The following TECRL variants were observed in gnomAD, a reference collection of about 807,000 sequenced individuals.
TECRL encodes trans-2,3-enoyl-CoA reductase like.
TECRL carries 63 observed loss-of-function variants against 52.8 expected under a neutral mutation model. That is an observed-to-expected ratio of 1.19 (90% CI 0.97 to 1.47). The LOEUF is 1.47. TECRL is among the 40% of genes most tolerant of loss of function. TECRL has a pLI of 0.00. For synonymous variants in TECRL, 164 were observed against 141.9 expected (o/e 1.16, Z -1.10); for missense variants, 482 against 429.6 (o/e 1.12, Z -1.08).
chr4:64,345,674 C>A (rs1222720607), intron 2 of TECRL, among the ~76,000 whole-genome samples: 1 of 151,234 alleles, frequency 6.6e-6, no homozygotes, highest in Non-Finnish European at 1.5e-5. Flanking sequence ...ATGTTGTGCA[C>A]ATGTACCCTA....
At chr4:64,298,509 T>G (rs1577825232) in intron 8 of TECRL, among the ~76,000 whole-genome samples, 1 of 151,260 alleles carries the variant, frequency 6.6e-6, no homozygotes, top group Non-Finnish European at 1.5e-5. Context: ...ATAACATATT[T>G]ATAGTAACAT....
chr4:64,363,092 A>G (rs1231052660), intron 2 of TECRL, among the ~76,000 whole-genome samples: 2 of 152,170 alleles, frequency 1.3e-5, no homozygotes, highest in African/African-American at 4.8e-5. Context: ...AAAAGTACAA[A>G]GGAGGACATT....
chr4:64,347,474 G>C (rs7672540), intron 2 of TECRL, among the ~76,000 whole-genome samples: 1 of 152,106 alleles, frequency 6.6e-6, no homozygotes, highest in African/African-American at 2.4e-5. Context: ...TCACACAACT[G>C]TAAAGATACT....
chr4:64,409,113 C>T lies in TECRL; in HGVS notation c.234+5G>A, dbSNP rs934142242. ...ACAAACAAATAAATAAATAAATAAA[C>T]TCACCTTATCCAGAATACATATCTG... On this transcript the variant is annotated splice_donor_5th_base_variant and intron_variant, in intron 1 of 11. Transcript: ENST00000381210. 11 of 1,587,462 alleles carry T rather than the reference C, an allele frequency of 6.9e-6. No individual in the cohort carries two copies. Among genetic ancestry groups the T allele is most frequent in the African/African-American group, 1.4e-5 (1 of 73,662 alleles).
At chr4:64,306,618 T>C (rs777943551) in intron 6 of TECRL, among the ~76,000 whole-genome samples, 39 of 152,312 alleles carry the variant, frequency 2.6e-4, no homozygotes, top group Non-Finnish European at 4.4e-4. Context: ...ATGTTGCTTT[T>C]ACCTGTTCTT....
chr4:64,391,408 C>T (rs1723537842), intron 1 of TECRL, among the ~76,000 whole-genome samples: 1 of 151,790 alleles, frequency 6.6e-6, no homozygotes, highest in African/African-American at 2.4e-5. Context: ...TTTAACCAGT[C>T]TGCATGATTG....
intron 10 of TECRL, 59 bp from the exon 11 acceptor site, chr4:64,281,145 T>G: frequency 7.1e-7 from 1 of 1,410,442 alleles, no homozygotes; most frequent in Non-Finnish European, 9.9e-7. Context: ...ATTTGTTCAT[T>G]TGTGGCTTTA....
intron 1 of TECRL, among the ~76,000 whole-genome samples, chr4:64,390,672 A>G (rs1483285): frequency 0.89 from 135,735 of 151,696 alleles, 61,427 homozygotes; most frequent in East Asian, 1. Flanking sequence ...CTTATTAATT[A>G]TATTGTCCAA....
chr4:64,324,097 C>G (rs1275942180), intron 3 of TECRL, among the ~76,000 whole-genome samples: 1 of 151,940 alleles, frequency 6.6e-6, no homozygotes, highest in Non-Finnish European at 1.5e-5. Flanking sequence ...AAAGATATAA[C>G]AAAGGTTACT....
chr4:64,294,506 C>T (rs547490331), intron 8 of TECRL, among the ~76,000 whole-genome samples: 7 of 152,026 alleles, frequency 4.6e-5, no homozygotes, highest in African/African-American at 1.2e-4. Flanking sequence ...CAAAATATGC[C>T]GTAATAGGTA....
chr4:64,365,336 C>T (rs941284952), intron 2 of TECRL, among the ~76,000 whole-genome samples: 2 of 152,028 alleles, frequency 1.3e-5, no homozygotes, highest in African/African-American at 2.4e-5. Context: ...ACAAAGAGTC[C>T]GACTTTTACC....
chr4:64,366,162 A>G (rs976824552), intron 2 of TECRL, among the ~76,000 whole-genome samples: 1 of 152,122 alleles, frequency 6.6e-6, no homozygotes, highest in African/African-American at 2.4e-5. Flanking sequence ...TAAACGGCAC[A>G]TGGATAACTG....
chr4:64,280,578 T>C (rs1242945287), intron 11 of TECRL, among the ~76,000 whole-genome samples: 1 of 152,140 alleles, frequency 6.6e-6, no homozygotes, highest in Non-Finnish European at 1.5e-5. Flanking sequence ...TTGTACAATA[T>C]AACAAAATGG....
At chr4:64,334,206 A>G (rs434495) in intron 2 of TECRL, among the ~76,000 whole-genome samples, 11,862 of 151,960 alleles carry the variant, frequency 0.078, 654 homozygotes, top group African/African-American at 0.16. Flanking sequence ...ATAAACATCA[A>G]ATATTACCCA....
At chr4:64,304,253 G>C (rs1033110369) in intron 7 of TECRL, among the ~76,000 whole-genome samples, 1 of 151,702 alleles carries the variant, frequency 6.6e-6, no homozygotes, top group East Asian at 1.9e-4. Context: ...GAAGATATAG[G>C]AAATTTTCAC....
At chr4:64,307,385 C>T (rs899953107) in intron 6 of TECRL, among the ~76,000 whole-genome samples, 2 of 152,106 alleles carry the variant, frequency 1.3e-5, no homozygotes, top group African/African-American at 4.8e-5. Flanking sequence ...ACTATTCCTA[C>T]CTTCCAGCCC....
chr4:64,321,174 C>T (rs965609045), intron 4 of TECRL, among the ~76,000 whole-genome samples: 48 of 151,936 alleles, frequency 3.2e-4, no homozygotes, highest in African/African-American at 1.1e-3. Flanking sequence ...TCATTAATTA[C>T]ATGGGAAATA....
chr4:64,296,517 A>G (rs1723690756), intron 8 of TECRL, among the ~76,000 whole-genome samples: 1 of 151,822 alleles, frequency 6.6e-6, no homozygotes, highest in African/African-American at 2.4e-5. Context: ...GCCATATCTT[A>G]TATGCTATTA....
intron 2 of TECRL, among the ~76,000 whole-genome samples, chr4:64,356,703 G>T (rs1458265917): frequency 6.6e-6 from 1 of 152,128 alleles, no homozygotes; most frequent in Admixed American, 6.6e-5. Context: ...AAAACTGAGG[G>T]AACTCAGAGA....
Sources: allele counts gnomAD v4.1 joint callset (sites outside exome capture counted in the v4.1 genomes callset), GRCh38; gene constraint gnomAD v4.1.1; transcripts MANE v1.5; gene names NCBI Gene and HGNC (gene_info 2026-07-23, HGNC 2026-07-21).